KDM6A: variants seen among roughly 807,000 people sequenced by gnomAD.
The protein encoded by KDM6A is lysine demethylase 6A.
Under a neutral mutation model 117.6 loss-of-function variants are expected in KDM6A, and 11 were observed. The observed-to-expected ratio is 0.09, with a 90% CI of 0.06 to 0.15. The LOEUF (loss-of-function observed/expected upper bound fraction) is 0.15, where lower values mean the gene tolerates loss of function less well. KDM6A is among the 10% of genes least tolerant of loss of function. The pLI, the probability that KDM6A is intolerant of heterozygous loss-of-function variation, is 1.00. For missense variants in KDM6A, 799 were observed against 1,077.3 expected (o/e 0.74, Z 3.62); for synonymous variants, 384 against 396.1 (o/e 0.97, Z 0.36).
intron 2 of KDM6A, among the ~76,000 whole-genome samples, chrX:44,919,641 CTTT>C (rs1204126878): frequency 3.3e-5 from 3 of 91,574 alleles, no homozygotes. Context: ...CAATATATAT[CTTT>C]TTTTTTTTTT....
chrX:45,073,248 G>C (rs1271298954), intron 18 of KDM6A, among the ~76,000 whole-genome samples: 1 of 111,719 alleles, frequency 9.0e-6, no homozygotes, highest in Non-Finnish European at 1.9e-5. Context: ...TATGTGTGCT[G>C]CATTTTCTTA....
chrX:45,038,603 T>G (rs926415955), intron 8 of KDM6A, among the ~76,000 whole-genome samples: 222 of 90,572 alleles, frequency 2.5e-3, no homozygotes, highest in African/African-American at 8.9e-3. Context: ...TGGGGGGGGG[T>G]GGTTGGAGGC....
In KDM6A at chrX:44,873,470, C is replaced by G; in HGVS notation, c.-82C>G. 8.5e-7 allele frequency: 1 copy of G among 1,172,419 alleles called. No homozygotes were observed. The highest frequency in any genetic ancestry group is 1.8e-5 in the South Asian group (1 of 55,790). On this transcript the variant is annotated 5_prime_UTR_variant, in exon 1 of 30. Coordinates refer to ENST00000611820, the MANE Select transcript of KDM6A (RefSeq NM_001291415.2). ...GGCGATAAAGTTGGTGTGCTGGTCC[C>G]GCGCGCAGATTGGGGGCGTCACTGC...
At chrX:44,881,736 G>A (rs2032321934) in intron 2 of KDM6A, among the ~76,000 whole-genome samples, 1 of 103,802 alleles carries the variant, frequency 9.6e-6, no homozygotes, top group South Asian at 4.4e-4. Flanking sequence ...TGCCCAGGCT[G>A]CAGTGCAATG....
At chrX:45,099,101 CAT>C (rs1472958957) in intron 27 of KDM6A, among the ~76,000 whole-genome samples, 1 of 111,215 alleles carries the variant, frequency 9.0e-6, no homozygotes, top group African/African-American at 3.3e-5. Flanking sequence ...CGTGCTTTTT[CAT>C]ATGAGCTCTA....
At chrX:45,012,799 G>T (rs777212005) in intron 5 of KDM6A, among the ~76,000 whole-genome samples, 6 of 111,416 alleles carry the variant, frequency 5.4e-5, no homozygotes, top group Non-Finnish European at 1.1e-4. Context: ...GATCATGTGT[G>T]GAAGCACTGC....
chrX:45,100,848 T>G (rs2148254766), intron 27 of KDM6A, among the ~76,000 whole-genome samples: 1 of 109,411 alleles, frequency 9.1e-6, no homozygotes, highest in Non-Finnish European at 1.9e-5. Flanking sequence ...TTTCTTCTTT[T>G]TTTTTTTAAT....
At chrX:44,940,290 G>A (rs1484401807) in intron 2 of KDM6A, among the ~76,000 whole-genome samples, 2 of 111,268 alleles carry the variant, frequency 1.8e-5, no homozygotes, top group Non-Finnish European at 3.8e-5. Flanking sequence ...CTGACCTCAA[G>A]TGATCCGTCC....
Position 45,110,240 on chromosome X carries a change from A to G in KDM6A, c.4323A>G (p.Gln1441=), listed in dbSNP as rs753713461. 11 of 1,207,970 alleles carry G rather than the reference A, an allele frequency of 9.1e-6. No individual in the cohort carries two copies. Among genetic ancestry groups the G allele is most frequent in the Non-Finnish European group, 1.1e-5 (10 of 892,097 alleles). ...AGGACCTGATGCAAGTCTATGACCA[A>G]TTTACATTAGTAAGTCAAATCAACA... is the stretch of plus-strand genomic sequence containing the variant. ...KMEDLMQVYD[Q]FTLAPPLPSA... Residue 1441 remains glutamine (Q), a synonymous_variant, in exon 29 of 30, where the codon CAA becomes CAG. Transcript: ENST00000611820.
chrX:44,915,662 C>T (rs1284249933), intron 2 of KDM6A, among the ~76,000 whole-genome samples: 1 of 111,434 alleles, frequency 9.0e-6, no homozygotes, highest in East Asian at 2.8e-4. Flanking sequence ...GATGAAATCT[C>T]GCACTGTCCT....
intron 4 of KDM6A, among the ~76,000 whole-genome samples, chrX:45,005,463 A>G (rs2041390760): frequency 9.0e-6 from 1 of 111,640 alleles, no homozygotes; most frequent in Non-Finnish European, 1.9e-5. Context: ...GGCATAGCCT[A>G]GTTCTTCTGA....
intron 2 of KDM6A, among the ~76,000 whole-genome samples, chrX:44,936,299 C>A (rs1425378912): frequency 9.0e-6 from 1 of 110,986 alleles, no homozygotes; most frequent in Admixed American, 9.6e-5. Context: ...ATCTTAATCC[C>A]ATCTTTTTAC....
chrX:45,013,975 A>G (rs1381831907), intron 5 of KDM6A, among the ~76,000 whole-genome samples: 1 of 111,904 alleles, frequency 8.9e-6, no homozygotes, highest in Non-Finnish European at 1.9e-5. Context: ...TTTTAGTTAC[A>G]TGTCAGGTTC....
At position 45,111,548 on chromosome X, in the gene KDM6A, G is replaced by A; in HGVS notation, c.*137G>A. 3 of 559,077 alleles carry A rather than the reference G, an allele frequency of 5.4e-6. No individual in the cohort carries two copies. Among genetic ancestry groups the A allele is most frequent in the Non-Finnish European group, 9.5e-6 (3 of 316,572 alleles). 46.1% of individuals were successfully genotyped at this position (559,077 alleles called of 1,213,427 possible). ...CTATGCAACCTTCCAAGTGCGGAGT[G>A]TCAACCAACTGGACGGGAGAGAGTA... On this transcript the variant is annotated 3_prime_UTR_variant, in exon 30 of 30. Transcript: ENST00000611820.
In KDM6A at chrX:45,043,486, T is replaced by C. The variant is rs188685364; in HGVS notation, c.654+5797T>C. ...TACTTTAGTAGATTAAAAAATATTT[T>C]AGTAGATTGGCCGGGTGTGGTGACT... On this transcript the variant is annotated intron_variant, in intron 8 of 29. Transcript: ENST00000611820. Among the ~76,000 whole-genome samples the C allele has an allele frequency of 1.9e-4, 21 of 110,758 alleles. No individual in the cohort carries two copies. The Admixed American group carries it at 2.0e-3, about 11-fold the overall frequency.
intron 6 of KDM6A, among the ~76,000 whole-genome samples, chrX:45,030,579 T>C (rs2042560638): frequency 9.1e-6 from 1 of 109,841 alleles, no homozygotes. Flanking sequence ...TTCTGTATCT[T>C]ATTTTAGAGA....
intron 21 of KDM6A, among the ~76,000 whole-genome samples, chrX:45,079,789 G>T (rs963378065): frequency 8.9e-6 from 1 of 112,000 alleles, no homozygotes; most frequent in African/African-American, 3.2e-5. Context: ...CAAGTGATCC[G>T]CCTACCTCGG....
intron 7 of KDM6A, among the ~76,000 whole-genome samples, chrX:45,035,264 T>C (rs754114333): frequency 6.8e-4 from 76 of 112,011 alleles, no homozygotes; most frequent in African/African-American, 2.4e-3. Context: ...TATTATATTG[T>C]AGATGACTTG....
intron 20 of KDM6A, 78 bp downstream of exon 20, chrX:45,078,583 CTTTTCTTTT>C (rs1471243096): frequency 3.5e-5 from 29 of 817,563 alleles, no homozygotes; most frequent in Non-Finnish European, 4.5e-5. Context: ...CTGGCAGATA[CTTTTCTTTT>C]TTTTCTTTTT....
Sources: gnomAD v4.1 joint callset for allele counts (sites outside exome capture counted in the v4.1 genomes callset) on GRCh38, gnomAD v4.1.1 for gene constraint, MANE v1.5 for transcripts, NCBI Gene and HGNC (gene_info 2026-07-23, HGNC 2026-07-21) for gene names.